Variants in TDRD9 observed in about 807,000 individuals in gnomAD.
TDRD9 encodes tudor domain containing 9.
In TDRD9, 124 loss-of-function variants were observed where a neutral mutation model predicts 172.6. The observed-to-expected ratio is 0.72, with a 90% confidence interval of 0.62 to 0.83. The LOEUF is 0.83. Among genes scored for constraint, TDRD9 ranks in the 40% least tolerant of loss-of-function variants. TDRD9 has a pLI of 0.00. For synonymous variants in TDRD9, 619 were observed against 617.1 expected, an observed-to-expected ratio of 1.00 and a Z score of -0.05; for missense variants, 1,479 against 1,714.1, an observed-to-expected ratio of 0.86 and a Z score of 2.42.
intron 23 of TDRD9, among the ~76,000 whole-genome samples, chr14:104,021,585 C>T (rs535498133): frequency 3.9e-5 from 6 of 152,180 alleles, no homozygotes; most frequent in East Asian, 1.9e-4. Flanking sequence ...CCCAGCTACT[C>T]GGGAGGCTGA....
intron 32 of TDRD9, 74 bp downstream of exon 32, chr14:104,035,130 G>T: frequency 8.4e-7 from 1 of 1,196,496 alleles, no homozygotes; most frequent in South Asian, 1.3e-5. Context: ...GCCTCTCCTT[G>T]CTCCTTTTGG....
At chr14:103,956,166 G>A (rs923989302) in intron 2 of TDRD9, among the ~76,000 whole-genome samples, 35 of 119,000 alleles carry the variant, frequency 2.9e-4, no homozygotes, top group African/African-American at 1.0e-3. Context: ...TAGGCCAGGC[G>A]CAGTGGCTCA....
At chr14:104,004,361 GTTTATTTATTTATTTATTTATTTA>G (rs10593237) in intron 14 of TDRD9, 26 bp downstream of exon 14, 5 of 740,938 alleles carry the variant, frequency 6.7e-6, no homozygotes, top group Middle Eastern at 3.3e-4. Context: ...CATTGTCAAA[GTTTATTTATTTATTTATTTATTTA>G]TTTATTTATT....
At chr14:104,016,480 C>T (rs938632757) in intron 22 of TDRD9, among the ~76,000 whole-genome samples, 1 of 152,156 alleles carries the variant, frequency 6.6e-6, no homozygotes, top group Non-Finnish European at 1.5e-5. Flanking sequence ...AAGCCAGTGA[C>T]CCCCCGACCT....
At position 103,991,175 on chromosome 14, in the gene TDRD9, G is replaced by A. The variant is rs2033848651; in HGVS notation, c.1131G>A (p.Ser377=). 3.1e-6 allele frequency: 5 copies of A among 1,613,880 alleles called. No individual in the cohort carries two copies. The highest frequency in any genetic ancestry group is 1.1e-5 in the South Asian group (1 of 91,072). ...DMKESGNKAW[S]GAQFVLERSS... The stretch of plus-strand genomic sequence containing the variant: ...TTTTTAACAGGAACAAGGCTTGGTC[G>A]GGGGCCCAGTTTGTGTTGGAGCGAA... Residue 377 remains serine (S), a synonymous_variant, in exon 9 of 36, where the codon TCG becomes TCA. Coordinates refer to ENST00000409874, the MANE Select transcript of TDRD9 (RefSeq NM_153046.3).
intron 8 of TDRD9, among the ~76,000 whole-genome samples, chr14:103,990,409 T>C (rs1393279333): frequency 6.6e-6 from 1 of 152,266 alleles, no homozygotes. Context: ...GGATTGCCAC[T>C]GCATGGCTTT....
chr14:103,939,743 G>GTTTTTTTTTTTTTTTTTTT lies in TDRD9; in HGVS notation c.215+11022_215+11040dup, dbSNP rs371934680. On this transcript the variant is annotated intron_variant, in intron 1 of 35. Coordinates refer to ENST00000409874, the MANE Select transcript of TDRD9 (RefSeq NM_153046.3). ...AGTTCTAGTCTTTTTGAAAAAAAGT[G>GTTTTTTTTTTTTTTTTTTT]TTTTTTTTTTTTTTTTTTTTTGAGA... The GTTTTTTTTTTTTTTTTTTT allele has an allele frequency of 9.2e-4, 16 of 17,442 alleles. 1 individual carries two copies. Among genetic ancestry groups the GTTTTTTTTTTTTTTTTTTT allele is most frequent in the Non-Finnish European group, 1.4e-3 (12 of 8,278 alleles). 1.1% of individuals were successfully genotyped at this position (17,442 alleles called of 1,614,324 possible).
At chr14:103,969,090 ACT>A (rs1237886273) in intron 5 of TDRD9, among the ~76,000 whole-genome samples, 2 of 144,626 alleles carry the variant, frequency 1.4e-5, no homozygotes, top group Non-Finnish European at 3.0e-5. Context: ...ACAGAATAAG[ACT>A]CTGTGTAAAA....
intron 1 of TDRD9, among the ~76,000 whole-genome samples, chr14:103,948,173 C>G (rs2031670101): frequency 6.6e-6 from 1 of 151,624 alleles, no homozygotes. Flanking sequence ...AGCAGCGTGC[C>G]TGCTATTTTT....
At chr14:103,986,538 A>G (rs2033667355) in intron 8 of TDRD9, among the ~76,000 whole-genome samples, 1 of 152,188 alleles carries the variant, frequency 6.6e-6, no homozygotes, top group Non-Finnish European at 1.5e-5. Context: ...CAGTGTTAGG[A>G]CTGATAGTTT....
At chr14:104,011,097 G>A (rs146736568) in intron 20 of TDRD9, among the ~76,000 whole-genome samples, 143 of 152,276 alleles carry the variant, frequency 9.4e-4, no homozygotes, top group African/African-American at 3.4e-3. Context: ...GCTCTGTGAC[G>A]GTCTTATGGG....
At chr14:104,022,647 A>G (rs551573116) in intron 24 of TDRD9, among the ~76,000 whole-genome samples, 10 of 152,200 alleles carry the variant, frequency 6.6e-5, no homozygotes, top group Non-Finnish European at 1.0e-4. Flanking sequence ...GAATTGCTTG[A>G]ACCCAGGAGG....
chr14:103,931,132 C>CAAA (rs553560961), intron 1 of TDRD9, among the ~76,000 whole-genome samples: 16 of 139,610 alleles, frequency 1.1e-4, no homozygotes, highest in Admixed American at 9.4e-4. Flanking sequence ...CTGTCTCTAC[C>CAAA]AAAAAAAAAA....
chr14:104,034,412 G>A (rs1348059354), intron 31 of TDRD9, among the ~76,000 whole-genome samples: 37 of 152,148 alleles, frequency 2.4e-4, no homozygotes, highest in African/African-American at 7.5e-4. Context: ...GGATAGTCTT[G>A]ATCTCCTGAC....
At chr14:103,976,419 G>T (rs1401060284) in intron 7 of TDRD9, among the ~76,000 whole-genome samples, 2 of 151,746 alleles carry the variant, frequency 1.3e-5, no homozygotes, top group African/African-American at 2.4e-5. Flanking sequence ...GACTACAGGC[G>T]TCCGCCACCA....
At chr14:104,025,437 T>A (rs1008171257) in intron 25 of TDRD9, 127 bp from the exon 26 acceptor site, 2 of 705,644 alleles carry the variant, frequency 2.8e-6, no homozygotes, top group African/African-American at 3.6e-5. Flanking sequence ...TAAATACTTA[T>A]GTTCCGAGGA....
chr14:103,972,108 T>C (rs2033058981), intron 6 of TDRD9, among the ~76,000 whole-genome samples: 1 of 152,014 alleles, frequency 6.6e-6, no homozygotes, highest in South Asian at 2.1e-4. Context: ...GAACTGTGAT[T>C]GCGCCACTGC....
At chr14:104,012,029 T>C (rs1388877923) in intron 20 of TDRD9, among the ~76,000 whole-genome samples, 1 of 152,238 alleles carries the variant, frequency 6.6e-6, no homozygotes, top group Non-Finnish European at 1.5e-5. Context: ...CAGTGTGCGA[T>C]GACAGGCATG....
At chr14:103,947,356 GTC>G (rs971956208) in intron 1 of TDRD9, among the ~76,000 whole-genome samples, 1 of 151,280 alleles carries the variant, frequency 6.6e-6, no homozygotes, top group Non-Finnish European at 1.5e-5. Context: ...TTTAGATGGA[GTC>G]TCTCTCTGTC....
Sources: gnomAD v4.1 joint callset for allele counts (sites outside exome capture counted in the v4.1 genomes callset) on GRCh38, gnomAD v4.1.1 for gene constraint, MANE v1.5 for transcripts, NCBI Gene and HGNC (gene_info 2026-07-23, HGNC 2026-07-21) for gene names.